The following POLN variants were observed in gnomAD, a reference collection of about 807,000 sequenced individuals.
POLN encodes DNA polymerase N.
POLN carries 108 observed loss-of-function variants against 113.5 expected under a neutral mutation model. The ratio of observed to expected loss-of-function variants is 0.95; its 90% CI spans 0.81 to 1.12. The LOEUF is 1.12. POLN is among the 50% of genes most tolerant of loss of function. The pLI is 0.00. For synonymous variants in POLN, 386 were observed against 391.5 expected (o/e 0.99, Z 0.17); for missense variants, 1,097 against 1,077.1 (o/e 1.02, Z -0.26).
intron 16 of POLN, 71 bp downstream of exon 16, chr4:2,156,717 T>C (rs1389047927): frequency 1.6e-6 from 2 of 1,230,570 alleles, no homozygotes; most frequent in Admixed American, 1.7e-5. Flanking sequence ...GGCAAACACA[T>C]ATGGAGAAAA....
intron 16 of POLN, among the ~76,000 whole-genome samples, chr4:2,134,157 A>C (rs1731795952): frequency 6.6e-6 from 1 of 152,224 alleles, no homozygotes; most frequent in Non-Finnish European, 1.5e-5. Context: ...ATATGAATTT[A>C]AGATTCATCC....
At chr4:2,203,996 C>A (rs1467878123) in intron 5 of POLN, among the ~76,000 whole-genome samples, 1 of 150,366 alleles carries the variant, frequency 6.7e-6, no homozygotes, top group Non-Finnish European at 1.5e-5. Context: ...GTAATCCCAG[C>A]TACTGGGGAG....
chr4:2,175,275 G>A (rs1011709093), intron 9 of POLN, among the ~76,000 whole-genome samples: 1 of 152,048 alleles, frequency 6.6e-6, no homozygotes, highest in Non-Finnish European at 1.5e-5. Flanking sequence ...ATCTAGTAGA[G>A]ATAGTTAGAA....
At position 2,162,568 on chromosome 4, in the gene POLN, T is replaced by C. The variant is rs147565633; in HGVS notation, c.1555-3357A>G. Among the ~76,000 whole-genome samples the C allele has an allele frequency of 1.5e-3, 233 of 152,312 alleles. 4 individuals are homozygous for C. In the East Asian group the frequency reaches 0.036, roughly 24 times the overall value. On this transcript the variant is annotated intron_variant, in intron 13 of 25. Transcript: ENST00000511885. Reference sequence around the variant, plus strand: ...ACCTCTGGGGCTCAAGCTATCCTCCTGCCTCAACCTCCAGAGTAGCTGGGA... The same window carrying C: ...ACCTCTGGGGCTCAAGCTATCCTCCCGCCTCAACCTCCAGAGTAGCTGGGA...
intron 20 of POLN, 22 bp downstream of exon 20, chr4:2,095,829 C>G (rs780391252): frequency 1.6e-5 from 26 of 1,611,498 alleles, no homozygotes; most frequent in African/African-American, 5.3e-5. Flanking sequence ...CCCGAGACCC[C>G]AGCTCCCGGC....
intron 8 of POLN, chr4:2,177,407 T>C (rs531607822): frequency 2.8e-6 from 1 of 361,850 alleles, no homozygotes; most frequent in South Asian, 2.0e-5. Context: ...ATCTGAACAA[T>C]TCATGCCACC....
chr4:2,238,089 A>G (rs923585415), intron 2 of POLN, among the ~76,000 whole-genome samples: 3 of 152,200 alleles, frequency 2.0e-5, no homozygotes, highest in African/African-American at 7.2e-5. Flanking sequence ...TTGAGGTCTT[A>G]AGACTACTTT....
At position 2,198,412 on chromosome 4, in the gene POLN, CA is replaced by C. The variant is rs1733631208; in HGVS notation, c.908+111del. 4.8e-6 allele frequency: 4 copies of C among 837,818 alleles called. No individual in the cohort carries two copies. In the African/African-American group the frequency reaches 7.0e-5, roughly 15 times the overall value. The allele number at this position is 837,818 out of a possible 1,614,324, so 51.9% of individuals were successfully genotyped here. On this transcript the variant is annotated intron_variant, in intron 6 of 25. Transcript: ENST00000511885. ...TGGATCCATTTTATTTTCATGTGCCCATACAAAACTTCTAAAAGTTTAAACT... is the reference window on the plus strand; with the variant it reads ...TGGATCCATTTTATTTTCATGTGCCCTACAAAACTTCTAAAAGTTTAAACT...
Position 2,138,403 on chromosome 4 carries a change from G to C in POLN, c.1732-7113C>G, listed in dbSNP as rs570857246. Among the ~76,000 whole-genome samples the C allele has an allele frequency of 9.2e-5, 14 of 152,294 alleles. 1 individual carries two copies. In the South Asian group the frequency reaches 2.7e-3, roughly 29 times the overall value. ...GCATTTCTGACTCTCCCGGCTGGAG[G>C]GATGAGAGCAGGAAGGTGGGTGGGG... On this transcript the variant is annotated intron_variant, in intron 16 of 25. Transcript: ENST00000511885.
At chr4:2,216,613 G>A (rs144615150) in intron 3 of POLN, among the ~76,000 whole-genome samples, 50 of 152,336 alleles carry the variant, frequency 3.3e-4, no homozygotes, top group African/African-American at 1.2e-3. Context: ...CCTTGGCTGA[G>A]CGCAGGATCC....
chr4:2,183,978 T>C (rs900578988), intron 7 of POLN, among the ~76,000 whole-genome samples: 2 of 151,692 alleles, frequency 1.3e-5, no homozygotes, highest in South Asian at 2.1e-4. Context: ...CTCAGCCTCC[T>C]GAGTAGCTGG....
chr4:2,114,073 A>AT (rs1279331407), intron 19 of POLN, among the ~76,000 whole-genome samples: 1 of 151,210 alleles, frequency 6.6e-6, no homozygotes, highest in African/African-American at 2.4e-5. Context: ...TAATTTTTGT[A>AT]TTTTTTGTAG....
At chr4:2,074,608 G>A (rs1221915791) in intron 24 of POLN, among the ~76,000 whole-genome samples, 1 of 152,194 alleles carries the variant, frequency 6.6e-6, no homozygotes, top group African/African-American at 2.4e-5. Context: ...TGGGCCCCAG[G>A]GATGGGAGCC....
intron 13 of POLN, among the ~76,000 whole-genome samples, chr4:2,163,576 C>G (rs1171061118): frequency 1.3e-5 from 2 of 152,238 alleles, no homozygotes; most frequent in Admixed American, 1.3e-4. Flanking sequence ...GGTGCCTCTT[C>G]TCTCACTGAC....
At chr4:2,227,062 C>T (rs927833511) in intron 3 of POLN, among the ~76,000 whole-genome samples, 16 of 152,174 alleles carry the variant, frequency 1.1e-4, no homozygotes, top group African/African-American at 3.6e-4. Context: ...CTCACATAAC[C>T]CCAAACCGCT....
At chr4:2,231,736 C>T in intron 2 of POLN, 1 of 441,076 alleles carries the variant, frequency 2.3e-6, no homozygotes, top group East Asian at 4.1e-5. Context: ...TAAACACATG[C>T]TCAAGTCATA....
intron 19 of POLN, among the ~76,000 whole-genome samples, chr4:2,113,511 C>G (rs1017746812): frequency 6.6e-6 from 1 of 151,886 alleles, no homozygotes; most frequent in African/African-American, 2.4e-5. Context: ...CCTTTCTCCT[C>G]TGTACTTTTG....
At chr4:2,075,412 G>T in intron 24 of POLN, 40 bp downstream of exon 24, 2 of 1,604,304 alleles carry the variant, frequency 1.2e-6, no homozygotes, top group Non-Finnish European at 1.7e-6. Context: ...CCTCTTAGCT[G>T]TCTGTGATGT....
At chr4:2,166,480 G>A (rs527592409) in intron 13 of POLN, among the ~76,000 whole-genome samples, 2 of 152,204 alleles carry the variant, frequency 1.3e-5, no homozygotes, top group African/African-American at 4.8e-5. Context: ...ACTTGACTGG[G>A]TTATGAGATA....
Sources: allele counts gnomAD v4.1 joint callset (sites outside exome capture counted in the v4.1 genomes callset), GRCh38; gene constraint gnomAD v4.1.1; transcripts MANE v1.5; gene names NCBI Gene and HGNC (gene_info 2026-07-23, HGNC 2026-07-21).